The following AHCTF1 variants were observed in gnomAD, a reference collection of about 807,000 sequenced individuals.
AHCTF1 encodes the protein AT-hook containing transcription factor 1.
AHCTF1 carries 24 observed loss-of-function variants against 248.4 expected under a neutral mutation model. The ratio of observed to expected loss-of-function variants is 0.10; its 90% CI spans 0.07 to 0.14. AHCTF1 has a LOEUF of 0.14. AHCTF1 is among the 10% of genes least tolerant of loss of function. The probability of loss-of-function intolerance (pLI) is 1.00; values close to 1 mark genes in which losing one functional copy is unlikely to be tolerated. For synonymous variants in AHCTF1, 786 were observed against 929.8 expected (o/e 0.85, Z 2.81); for missense variants, 2,206 against 2,636.2 (o/e 0.84, Z 3.57).
rs757173810 is a variant in AHCTF1 at position 246,900,188 on chromosome 1, C to G, written c.1309G>C (p.Val437Leu). 11 of 1,607,408 alleles carry G rather than the reference C, an allele frequency of 6.8e-6. No homozygotes were observed. Among genetic ancestry groups the G allele is most frequent in the Non-Finnish European group, 9.3e-6 (11 of 1,178,222 alleles). Residue 437 changes from valine (V) to leucine (L), a missense_variant, in exon 10 of 36, where the codon GTA (valine) becomes CTA (leucine). By Grantham distance (32) the Val-to-Leu change is conservative. Coordinates refer to ENST00000648844, the MANE Select transcript of AHCTF1 (RefSeq NM_001323342.2). The stretch of plus-strand genomic sequence containing the variant: ...ATGCCATGTGGAGAAGTCCTACTTA[C>G]AACAGACTCCAATGACCACAGTGCA... ...YFALWSLESV[V>L]SRTSPHGILD...
Position 246,902,695 on chromosome 1 carries a change from C to T in AHCTF1, c.967-20G>A. ...TAACCCCTGTAACATAAAATACACG[C>T]AAATATTAATCTGATTCTAGGCAAA... On this transcript the variant is annotated intron_variant, in intron 7 of 35. Transcript: ENST00000648844. The T allele has an allele frequency of 6.4e-7, 1 of 1,558,670 alleles. No homozygotes were observed. Among genetic ancestry groups the T allele is most frequent in the Middle Eastern group, 1.7e-4 (1 of 5,780 alleles).
At chr1:246,869,842 C>G (rs1241535487) in intron 24 of AHCTF1, among the ~76,000 whole-genome samples, 1 of 152,184 alleles carries the variant, frequency 6.6e-6, no homozygotes, top group African/African-American at 2.4e-5. Context: ...TTCTGTAACC[C>G]TGGATCACAG....
intron 1 of AHCTF1, among the ~76,000 whole-genome samples, chr1:246,920,543 G>A (rs986490162): frequency 6.7e-5 from 10 of 150,074 alleles, no homozygotes; most frequent in South Asian, 2.1e-4. Context: ...AGGCTGAGGC[G>A]GCGAATCATG....
intron 1 of AHCTF1, among the ~76,000 whole-genome samples, chr1:246,925,430 A>G (rs1435772299): frequency 1.3e-5 from 2 of 152,220 alleles, no homozygotes; most frequent in Non-Finnish European, 2.9e-5. Context: ...GATGATATAG[A>G]AGTACTAGCT....
At chr1:246,909,560 T>C (rs750113737) in intron 4 of AHCTF1, among the ~76,000 whole-genome samples, 9 of 152,178 alleles carry the variant, frequency 5.9e-5, no homozygotes, top group South Asian at 2.1e-4. Context: ...TGTCGCAGTA[T>C]TGCAGTGCTT....
At chr1:246,855,900 C>A (rs546204855) in intron 30 of AHCTF1, 73 bp from the exon 31 acceptor site, 3 of 1,031,644 alleles carry the variant, frequency 2.9e-6, no homozygotes, top group East Asian at 2.5e-5. Flanking sequence ...AGTCCTACCA[C>A]CTAACCTGTC....
chr1:246,861,838 A>G, intron 28 of AHCTF1, 121 bp downstream of exon 28: 1 of 858,140 alleles, frequency 1.2e-6, no homozygotes, highest in Non-Finnish European at 1.8e-6. Flanking sequence ...TACTAGCTAC[A>G]AGATTATATA....
At position 246,850,708 on chromosome 1, in the gene AHCTF1, C is replaced by T. The variant is rs755630613; in HGVS notation, c.5298G>A (p.Lys1766=). 1.9e-6 allele frequency: 3 copies of T among 1,613,946 alleles called. No homozygotes were observed. The highest frequency in any genetic ancestry group is 4.5e-5 in the East Asian group (2 of 44,886). Residue 1766 remains lysine, a synonymous_variant, in exon 33 of 36, where the codon AAG becomes AAA. Coordinates refer to ENST00000648844, the MANE Select transcript of AHCTF1 (RefSeq NM_001323342.2). ...QEASADVATP[K]MPGQSVRKKT... is the part of the protein sequence containing the mutation. ...TCTTCCTGACTGACTGCCCTGGCAT[C>T]TTAGGAGTAGCAACATCTGCTGATG... is the stretch of plus-strand genomic sequence containing the variant.
chr1:246,905,250 A>G (rs2103186529), intron 6 of AHCTF1, among the ~76,000 whole-genome samples: 1 of 152,344 alleles, frequency 6.6e-6, no homozygotes, highest in African/African-American at 2.4e-5. Context: ...CTGTAATCCC[A>G]GCACTTTGGG....
intron 19 of AHCTF1, among the ~76,000 whole-genome samples, chr1:246,887,569 G>C (rs1663912858): frequency 6.6e-6 from 1 of 152,116 alleles, no homozygotes; most frequent in African/African-American, 2.4e-5. Flanking sequence ...TTCATTCTCA[G>C]TATTTTATTA....
At chr1:246,882,252 C>G (rs1233734835) in intron 21 of AHCTF1, among the ~76,000 whole-genome samples, 1 of 152,058 alleles carries the variant, frequency 6.6e-6, no homozygotes, top group Non-Finnish European at 1.5e-5. Context: ...CCGCCTCAGC[C>G]TCCCAAAGTG....
chr1:246,859,002 G>C (rs542788495), intron 29 of AHCTF1, among the ~76,000 whole-genome samples: 4 of 152,258 alleles, frequency 2.6e-5, no homozygotes, highest in African/African-American at 9.6e-5. Flanking sequence ...TGAGGCAAGA[G>C]AAGAGGTTGC....
At chr1:246,902,277 G>A (rs1665057765) in intron 8 of AHCTF1, among the ~76,000 whole-genome samples, 1 of 152,128 alleles carries the variant, frequency 6.6e-6, no homozygotes, top group Non-Finnish European at 1.5e-5. Context: ...TCAGACTAGG[G>A]ATCGCCTGTT....
At chr1:246,930,068 G>A (rs931636468) in intron 1 of AHCTF1, among the ~76,000 whole-genome samples, 4 of 150,670 alleles carry the variant, frequency 2.7e-5, no homozygotes, top group African/African-American at 7.4e-5. Context: ...AAAAAAAGAT[G>A]TATCTGTACC....
intron 4 of AHCTF1, among the ~76,000 whole-genome samples, chr1:246,909,247 TAAAAAAA>T (rs34089730): frequency 9.2e-6 from 1 of 109,104 alleles, no homozygotes; most frequent in Admixed American, 9.7e-5. Context: ...TCGGCTCTAC[TAAAAAAA>T]AAAAAAAAAA....
In AHCTF1 at chr1:246,850,678, A is replaced by G; in HGVS notation, c.5328T>C (p.Thr1776=). 1 of 1,613,942 alleles carries G rather than the reference A, an allele frequency of 6.2e-7. No individual in the cohort carries two copies. The highest frequency in any genetic ancestry group is 8.5e-7 in the Non-Finnish European group (1 of 1,179,874). ...KMPGQSVRKK[T]RKAKEISEAS... ...CTTCAGAAATTTCTTTTGCCTTCCT[A>G]GTTTTCTTCCTGACTGACTGCCCTG... Residue 1776 remains threonine (T), a synonymous_variant, in exon 33 of 36, where the codon ACT becomes ACC. Coordinates refer to ENST00000648844, the MANE Select transcript of AHCTF1 (RefSeq NM_001323342.2).
intron 1 of AHCTF1, chr1:246,931,241 G>C: frequency 6.5e-7 from 1 of 1,550,016 alleles, no homozygotes; most frequent in South Asian, 1.2e-5. Flanking sequence ...TGGGAGAACA[G>C]TGGGAAAGGG....
intron 17 of AHCTF1, among the ~76,000 whole-genome samples, chr1:246,888,982 G>A (rs1046489890): frequency 5.3e-5 from 8 of 152,214 alleles, no homozygotes; most frequent in Admixed American, 2.0e-4. Flanking sequence ...AGAGTTAGTC[G>A]GATAAGCCCT....
Position 246,877,593 on chromosome 1 carries a change from C to A in AHCTF1, c.2661-291G>T, listed in dbSNP as rs575911125. Among the ~76,000 whole-genome samples the A allele has an allele frequency of 2.0e-4, 31 of 152,150 alleles. No homozygotes were observed. The South Asian group carries it at 6.0e-3, about 29-fold the overall frequency. Reference sequence around the variant, plus strand: ...AAAAACTAATGTGGCCTGGATAGAGCTGAATGGTTGGTGTGGTGTGACAGA... The same window carrying A: ...AAAAACTAATGTGGCCTGGATAGAGATGAATGGTTGGTGTGGTGTGACAGA... On this transcript the variant is annotated intron_variant, in intron 21 of 35. Coordinates refer to ENST00000648844, the MANE Select transcript of AHCTF1 (RefSeq NM_001323342.2).
Sources: gnomAD v4.1 joint callset for allele counts (sites outside exome capture counted in the v4.1 genomes callset) on GRCh38, gnomAD v4.1.1 for gene constraint, MANE v1.5 for transcripts, NCBI Gene and HGNC (gene_info 2026-07-23, HGNC 2026-07-21) for gene names.